The following PLD4 variants were observed in gnomAD, a reference collection of about 807,000 sequenced individuals.
PLD4 encodes 5'-3' exonuclease PLD4.
Under a neutral mutation model 52.3 loss-of-function variants are expected in PLD4, and 54 were observed. The ratio of observed to expected loss-of-function variants is 1.03; its 90% confidence interval spans 0.83 to 1.30. PLD4 has a LOEUF of 1.30. PLD4 is among the 50% of genes most tolerant of loss of function. PLD4 has a pLI of 0.00. For synonymous variants in PLD4, 264 were observed against 286.5 expected, an observed-to-expected ratio of 0.92 and a Z score of 0.79; for missense variants, 731 against 671.1, an observed-to-expected ratio of 1.09 and a Z score of -0.99.
downstream of PLD4, chr14:104,934,980 T>G (rs1897776642): frequency 6.6e-6 from 1 of 152,264 alleles, no homozygotes; most frequent in South Asian, 2.1e-4. Context: ...TGCAAGGCCT[T>G]CAGGAGCTTC....
rs763677157 is a variant in PLD4, at chr14:104,932,933, C to T, written c.1490C>T (p.Ala497Val). Residue 497 changes from alanine to valine, a missense_variant, in exon 11 of 11, where the codon GCT (alanine) becomes GTT (valine). Coordinates refer to ENST00000392593, the MANE Select transcript of PLD4 (RefSeq NM_138790.5). The surrounding 1 kb of genome is among the most constrained non-coding windows in gnomAD (Gnocchi z 6.5). ...SRYAVGLDGQ[A>V]PGQDCVWQG ...TACGCCGTCGGCCTGGACGGACAGGCTCCGGGCCAGGACTGCGTTTGGCAG... is the reference window on the plus strand; with the variant it reads ...TACGCCGTCGGCCTGGACGGACAGGTTCCGGGCCAGGACTGCGTTTGGCAG... 1.6e-4 allele frequency: 257 copies of T among 1,598,670 alleles called. No homozygotes were observed. In the Middle Eastern group the frequency reaches 1.7e-3, roughly 11 times the overall value.
chr14:104,930,829 G>T lies in PLD4; in HGVS notation c.805G>T (p.Val269Leu), dbSNP rs1897619359. ...KTFQTYWVLG[V>L]PKAVLPKTWP... ...CTTCCAGACCTACTGGGTACTGGGG[G>T]TGCCCAAGGCTGTCCTCCCCAAAAC... Residue 269 changes from valine (V) to leucine (L), a missense_variant, in exon 7 of 11, where the codon GTG becomes TTG. By Grantham distance (32) the Val-to-Leu change is conservative. Transcript: ENST00000392593. 6.2e-7 allele frequency: 1 copy of T among 1,613,434 alleles called. No homozygotes were observed. Among genetic ancestry groups the T allele is most frequent in the African/African-American group, 1.3e-5 (1 of 74,946 alleles).
rs763915549 is a variant in PLD4, at chr14:104,927,204, C to T, written c.64C>T (p.Arg22Cys). 15 of 1,558,260 alleles carry T rather than the reference C, an allele frequency of 9.6e-6. No homozygotes were observed. The highest frequency in any genetic ancestry group is 7.2e-5 in the East Asian group (3 of 41,646). Residue 22 changes from arginine (R) to cysteine (C), a missense_variant, in exon 2 of 11, where the codon CGC (arginine) becomes TGC (cysteine). Transcript: ENST00000392593. ...ATGGCCATGCTCCATGCCGCCCCGC[C>T]GCCCGTGGGACAGAGAGGCTGGCAC... ...PTWPCSMPPR[R>C]PWDREAGTLQ...
chr14:104,926,876 G>A (rs938708120), intron 1 of PLD4, among the ~76,000 whole-genome samples: 3 of 152,214 alleles, frequency 2.0e-5, no homozygotes, highest in African/African-American at 4.8e-5. Context: ...CCTGGGGACC[G>A]CCTTAACAGC....
In PLD4 at chr14:104,928,849, G is replaced by C. The variant is rs375089731; in HGVS notation, c.385G>C (p.Ala129Pro). Residue 129 changes from alanine to proline, a missense_variant, in exon 4 of 11, where the codon GCC (alanine) becomes CCC (proline). By Grantham distance (27) the Ala-to-Pro change is conservative (BLOSUM62 -1). Coordinates refer to ENST00000392593, the MANE Select transcript of PLD4 (RefSeq NM_138790.5). ...GQAWLQLLDT[A>P]QESVHVASYY... is the part of the protein sequence containing the mutation. ...GGCCTGGCTGCAGCTGCTGGACACT[G>C]CCCAGGAGAGCGTCCACGTGGCTTC... 27 of 1,612,348 alleles carry C rather than the reference G, an allele frequency of 1.7e-5. No individual in the cohort carries two copies. In the African/African-American group the frequency reaches 3.2e-4, roughly 19 times the overall value.
At chr14:104,933,300 A>C (rs756784403), downstream of PLD4, 21 of 231,216 alleles carry the variant, frequency 9.1e-5, no homozygotes, top group Non-Finnish European at 1.6e-4. Context: ...GCCCGCCTCT[A>C]TGCGCCCGCC....
chr14:104,927,285 G>A lies in PLD4; in HGVS notation c.90+55G>A, dbSNP rs377730217. 2.8e-6 allele frequency: 4 copies of A among 1,408,036 alleles called. No homozygotes were observed. In the East Asian group the frequency reaches 1.0e-4, roughly 36 times the overall value. 87.2% of individuals were successfully genotyped at this position (1,408,036 alleles called of 1,614,324 possible). A position where few individuals can be genotyped will look rare whatever the true frequency, so the allele number is the denominator to read the frequency against. On this transcript the variant is annotated intron_variant, in intron 2 of 10. Transcript: ENST00000392593. ...GGCTGGGATCAATGGCCTTTCAAGA[G>A]CTCCGAGCCAGAGTGGAGAGGTCAC...
downstream of PLD4, chr14:104,933,665 G>A: frequency 1.9e-5 from 1 of 51,398 alleles, no homozygotes; most frequent in Non-Finnish European, 3.7e-5. Context: ...ACCTGCGACT[G>A]AGGGGACAGG....
In PLD4 at chr14:104,932,927, G is replaced by C; in HGVS notation, c.1484G>C (p.Gly495Ala). ...WSSRYAVGLD[G>A]QAPGQDCVWQ... ...TCGCGCTACGCCGTCGGCCTGGACG[G>C]ACAGGCTCCGGGCCAGGACTGCGTT... Residue 495 changes from glycine to alanine, a missense_variant, in exon 11 of 11, where the codon GGA (glycine) becomes GCA (alanine). Physicochemically the swap from Gly to Ala is moderately conservative, Grantham distance 60 (BLOSUM62 0). Coordinates refer to ENST00000392593, the MANE Select transcript of PLD4 (RefSeq NM_138790.5). This position sits in a 1 kb window ranked among gnomAD's most constrained non-coding sequence, Gnocchi z 6.5. 6.2e-7 allele frequency: 1 copy of C among 1,600,044 alleles called. No homozygotes were observed. The highest frequency in any genetic ancestry group is 1.1e-5 in the South Asian group (1 of 89,096).
At chr14:104,925,124 G>A (rs1303660878) in intron 1 of PLD4, 134 bp downstream of exon 1, 1 of 152,378 alleles carries the variant, frequency 6.6e-6, no homozygotes, top group Non-Finnish European at 1.5e-5. Flanking sequence ...TAGTCCTGTA[G>A]ATGACTCGCT....
chr14:104,927,560 C>T, intron 2 of PLD4, 113 bp from the exon 3 acceptor site: 2 of 1,225,668 alleles, frequency 1.6e-6, no homozygotes, highest in Admixed American at 2.5e-5. Context: ...AGTGGCAGCC[C>T]AGGTCCGGGA....
intron 4 of PLD4, 32 bp downstream of exon 4, chr14:104,928,964 G>A (rs1897550401): frequency 1.3e-6 from 2 of 1,566,890 alleles, no homozygotes; most frequent in African/African-American, 1.4e-5. Flanking sequence ...CCGCATCCTG[G>A]TGCTGGAAAC....
chr14:104,927,940 C>A, intron 3 of PLD4, 74 bp downstream of exon 3: 2 of 1,425,332 alleles, frequency 1.4e-6, no homozygotes, highest in South Asian at 2.8e-5. Flanking sequence ...GCCCTTGGAT[C>A]TGCCCGTGAG....
chr14:104,935,178 G>A (rs978997570), downstream of PLD4: 1 of 152,298 alleles, frequency 6.6e-6, no homozygotes, highest in South Asian at 2.1e-4. Flanking sequence ...TGCCCTCCAG[G>A]GTTGCACGTG....
At chr14:104,926,377 G>T (rs1897456547) in intron 1 of PLD4, among the ~76,000 whole-genome samples, 1 of 152,166 alleles carries the variant, frequency 6.6e-6, no homozygotes, top group Non-Finnish European at 1.5e-5. Context: ...GCTTGCTTTG[G>T]GGGTAGGAGT....
At chr14:104,930,617 T>C (rs1452300606) in intron 6 of PLD4, 125 bp from the exon 7 acceptor site, 1 of 983,322 alleles carries the variant, frequency 1.0e-6, no homozygotes, top group Non-Finnish European at 1.5e-6. Flanking sequence ...AGGCAATGCT[T>C]CCCGCAAGTG....
chr14:104,929,042 T>C, intron 4 of PLD4, 110 bp downstream of exon 4: 1 of 1,379,646 alleles, frequency 7.2e-7, no homozygotes, highest in South Asian at 1.4e-5. Context: ...AGCTTGGTGG[T>C]AGGGTCTAGC....
intron 3 of PLD4, 66 bp downstream of exon 3, chr14:104,927,932 C>A (rs1897513584): frequency 6.9e-7 from 1 of 1,440,318 alleles, no homozygotes; most frequent in Non-Finnish European, 9.2e-7. Context: ...GTGTTTCTGC[C>A]CTTGGATCTG....
downstream of PLD4, chr14:104,937,405 G>A (rs563222475): frequency 6.6e-6 from 1 of 152,502 alleles, no homozygotes; most frequent in East Asian, 1.9e-4. Context: ...GCAGGCCAGT[G>A]GACATGGATA....
Sources: allele counts gnomAD v4.1 joint callset (sites outside exome capture counted in the v4.1 genomes callset), GRCh38; gene constraint gnomAD v4.1.1; non-coding constraint Gnocchi (gnomAD v3.1); transcripts MANE v1.5; gene names NCBI Gene and HGNC (gene_info 2026-07-23, HGNC 2026-07-21).